Variants in SSX2IP observed in about 807,000 individuals in gnomAD.
The protein encoded by SSX2IP is SSX family member 2 interacting protein, also known as afadin- and alpha-actinin-binding protein.
In SSX2IP, 55 loss-of-function variants were observed where a neutral mutation model predicts 84.9. The ratio of observed to expected loss-of-function variants is 0.65; its 90% CI spans 0.52 to 0.81. The LOEUF (loss-of-function observed/expected upper bound fraction) is 0.81. Among genes scored for constraint, SSX2IP ranks in the 30% least tolerant of loss-of-function variants. The pLI, the probability that SSX2IP is intolerant of heterozygous loss-of-function variation, is 0.00. For missense variants in SSX2IP, 664 were observed against 705.2 expected, an observed-to-expected ratio of 0.94 and a Z score of 0.66; for synonymous variants, 239 against 234.7, an observed-to-expected ratio of 1.02 and a Z score of -0.17.
chr1:84,664,107 C>G (rs1652428538), intron 6 of SSX2IP, among the ~76,000 whole-genome samples: 1 of 152,124 alleles, frequency 6.6e-6, no homozygotes, highest in Admixed American at 6.5e-5. Context: ...GAAACTGACA[C>G]TGATTTTTAA....
At position 84,647,333 on chromosome 1, in the gene SSX2IP, C is replaced by G. The variant is rs1649567522; in HGVS notation, c.*100G>C. The stretch of plus-strand genomic sequence containing the variant: ...AGTCCAAACAAACAACTCAGACCAT[C>G]TTAAGTTATTAGAGATAACTGACTT... On this transcript the variant is annotated 3_prime_UTR_variant, in exon 14 of 14. Coordinates refer to ENST00000342203, the MANE Select transcript of SSX2IP (RefSeq NM_001166293.2). 1 of 1,069,636 alleles carries G rather than the reference C, an allele frequency of 9.3e-7. No homozygotes were observed. Among genetic ancestry groups the G allele is most frequent in the Admixed American group, 2.6e-5 (1 of 38,152 alleles). The allele number at this position is 1,069,636 out of a possible 1,614,324, so 66.3% of individuals were successfully genotyped here.
intron 4 of SSX2IP, among the ~76,000 whole-genome samples, chr1:84,668,460 A>G (rs1024677877): frequency 1.3e-5 from 2 of 152,204 alleles, no homozygotes; most frequent in African/African-American, 4.8e-5. Context: ...CCTTAGGAAT[A>G]TAAGATGCAC....
intron 11 of SSX2IP, among the ~76,000 whole-genome samples, chr1:84,652,743 C>T (rs942612694): frequency 2.9e-5 from 4 of 140,310 alleles, no homozygotes; most frequent in South Asian, 4.6e-4. Context: ...AAGCAAAACA[C>T]GGCCGGGCAC....
intron 8 of SSX2IP, among the ~76,000 whole-genome samples, chr1:84,661,583 GCTT>G (rs1175011647): frequency 6.6e-6 from 1 of 152,030 alleles, no homozygotes; most frequent in Non-Finnish European, 1.5e-5. Flanking sequence ...CCCAAAAAGA[GCTT>G]CTTGAGGGAA....
intron 1 of SSX2IP, among the ~76,000 whole-genome samples, chr1:84,678,430 C>T (rs1654665020): frequency 1.3e-5 from 2 of 152,136 alleles, no homozygotes; most frequent in Admixed American, 6.6e-5. Context: ...ATCACATAAC[C>T]TTCTCCAACT....
chr1:84,675,232 T>C (rs1654159709), intron 1 of SSX2IP, among the ~76,000 whole-genome samples: 1 of 152,212 alleles, frequency 6.6e-6, no homozygotes, highest in South Asian at 2.1e-4. Context: ...TAGTAAGCCA[T>C]TGTATAGTGG....
At chr1:84,660,047 G>A (rs895603903) in intron 8 of SSX2IP, among the ~76,000 whole-genome samples, 3 of 151,822 alleles carry the variant, frequency 2.0e-5, no homozygotes, top group Admixed American at 1.3e-4. Context: ...CTGAATTTTC[G>A]GTATATGTTT....
intron 5 of SSX2IP, among the ~76,000 whole-genome samples, chr1:84,665,638 G>A (rs1432471644): frequency 1.3e-5 from 2 of 152,168 alleles, no homozygotes; most frequent in Non-Finnish European, 2.9e-5. Flanking sequence ...GCAGAAATCA[G>A]AATTGTATCT....
chr1:84,658,212 T>C (rs1387825968), intron 9 of SSX2IP, 106 bp downstream of exon 9: 2 of 1,222,542 alleles, frequency 1.6e-6, no homozygotes, highest in Non-Finnish European at 2.3e-6. Flanking sequence ...CAAACTGAAG[T>C]ATAGTACTTT....
rs1652480559 is a variant in SSX2IP at position 84,664,409 on chromosome 1, CTGTTTACCTAT to C, written c.670_673+7del. 2 of 1,567,564 alleles carry C rather than the reference CTGTTTACCTAT, an allele frequency of 1.3e-6. No individual in the cohort carries two copies. The highest frequency in any genetic ancestry group is 1.7e-6 in the Non-Finnish European group (2 of 1,164,320). ...TATTCTCTTAGCTGATCTTTGCCAGCTGTTTACCTATTTTCTTATCTTTCTTGTTCATAACA... is the reference window on the plus strand; with the variant it reads ...TATTCTCTTAGCTGATCTTTGCCAGCTTTCTTATCTTTCTTGTTCATAACA... On this transcript the variant is annotated splice_donor_variant and splice_donor_5th_base_variant and coding_sequence_variant and intron_variant, in exon 6 of 14. Transcript: ENST00000342203. LOFTEE classifies it high-confidence loss of function.
chr1:84,655,669 T>A, intron 11 of SSX2IP, 163 bp downstream of exon 11: 1 of 1,478,610 alleles, frequency 6.8e-7, no homozygotes, highest in South Asian at 1.3e-5. Context: ...ATGATCCCAT[T>A]CTATATGCTC....
chr1:84,667,861 C>CATT (rs1652981627), intron 4 of SSX2IP, among the ~76,000 whole-genome samples: 2 of 152,146 alleles, frequency 1.3e-5, no homozygotes, highest in Non-Finnish European at 2.9e-5. Context: ...CGTCCTACCC[C>CATT]AAGAACAATT....
rs1400396479 is a variant in SSX2IP at position 84,669,763 on chromosome 1, A to C, written c.344T>G (p.Leu115Arg). The stretch of plus-strand genomic sequence containing the variant: ...CTGTGTCTCCACATTTTCCTGAGCT[A>C]GAAGGTTCTTCCGCTGAAGCACAAG... ...ELLVLQRKNL[L>R]AQENVETQNL... Residue 115 changes from leucine to arginine, a missense_variant, in exon 4 of 14, where the codon CTA becomes CGA. By Grantham distance (102) the Leu-to-Arg change is moderately radical (BLOSUM62 -2). Transcript: ENST00000342203. 37 of 1,613,872 alleles carry C rather than the reference A, an allele frequency of 2.3e-5. No individual in the cohort carries two copies. The highest frequency in any genetic ancestry group is 3.0e-5 in the Non-Finnish European group (35 of 1,179,806).
chr1:84,663,192 C>T (rs1207628239), intron 6 of SSX2IP, among the ~76,000 whole-genome samples: 3 of 152,108 alleles, frequency 2.0e-5, no homozygotes, highest in Non-Finnish European at 4.4e-5. Flanking sequence ...GACATGGAAA[C>T]ATTTGGCGTA....
rs778313841 is a variant in SSX2IP at position 84,650,508 on chromosome 1, A to C, written c.1524T>G (p.Leu508=). 1 of 1,614,194 alleles carries C rather than the reference A, an allele frequency of 6.2e-7. No homozygotes were observed. Among genetic ancestry groups the C allele is most frequent in the South Asian group, 1.1e-5 (1 of 91,084 alleles). The part of the protein sequence containing the change: ...AFSGSSDWDN[L]IVHSRQPQKK... ...TTTGCGGCTGCCTCGAGTGCACTAT[A>C]AGATTGTCCCAATCAGAACCTGTTG... The change falls in exon 13 of 14, where the codon CTT becomes CTG. Residue 508 remains leucine, a synonymous_variant. Transcript: ENST00000342203.
At chr1:84,686,421 T>C (rs890991910) in intron 1 of SSX2IP, among the ~76,000 whole-genome samples, 14 of 152,132 alleles carry the variant, frequency 9.2e-5, no homozygotes, top group Admixed American at 6.5e-4. Context: ...TGACAGATAA[T>C]AGTGTCATTT....
chr1:84,677,710 C>T (rs1654563254), intron 1 of SSX2IP, among the ~76,000 whole-genome samples: 1 of 152,092 alleles, frequency 6.6e-6, no homozygotes, highest in Admixed American at 6.5e-5. Flanking sequence ...GAAAACAAGC[C>T]ATCACGTTGT....
At chr1:84,661,382 T>C (rs991259466) in intron 8 of SSX2IP, among the ~76,000 whole-genome samples, 1 of 152,092 alleles carries the variant, frequency 6.6e-6, no homozygotes, top group Non-Finnish European at 1.5e-5. Flanking sequence ...CTGCATATAT[T>C]ACTCCCATTC....
chr1:84,644,370 C>A lies in SSX2IP; in HGVS notation c.*3063G>T, dbSNP rs972216583. On this transcript the variant is annotated 3_prime_UTR_variant, in exon 14 of 14. Transcript: ENST00000342203. ...AGCTCAGATTCCTAATAGCAGGCAG[C>A]GTGCTTATCTGTCTTCATATCACCA... 6.6e-6 allele frequency: 1 copy of A among 152,112 alleles called. No homozygotes were observed. The highest frequency in any genetic ancestry group is 1.5e-5 in the Non-Finnish European group (1 of 68,024). The allele number at this position is 152,112 out of a possible 1,614,324, so 9.4% of individuals were successfully genotyped here. A position where few individuals can be genotyped will look rare whatever the true frequency, so the allele number is the denominator to read the frequency against.
Sources: allele counts gnomAD v4.1 joint callset (sites outside exome capture counted in the v4.1 genomes callset), GRCh38; gene constraint gnomAD v4.1.1; transcripts MANE v1.5; gene names NCBI Gene and HGNC (gene_info 2026-07-23, HGNC 2026-07-21).